Variants in EXOC3L4 observed in about 807,000 individuals in gnomAD.
EXOC3L4 encodes the protein exocyst complex component 3 like 4, also known as exocyst complex component 3-like protein 4.
EXOC3L4 carries 62 observed loss-of-function variants against 69.7 expected under a neutral mutation model. The ratio of observed to expected loss-of-function variants is 0.89; its 90% CI spans 0.72 to 1.10. The LOEUF (loss-of-function observed/expected upper bound fraction) is 1.10, where lower values mean the gene tolerates loss of function less well. Ranked by LOEUF, EXOC3L4 falls within the 50% of genes least tolerant of loss-of-function variation. The probability of loss-of-function intolerance (pLI) is 0.00; values close to 1 mark genes in which losing one functional copy is unlikely to be tolerated. For missense variants in EXOC3L4, 1,087 were observed against 1,034.8 expected (o/e 1.05, Z -0.69); for synonymous variants, 502 against 464.2 (o/e 1.08, Z -1.05).
chr14:103,105,646 T>C (rs1480638277), intron 7 of EXOC3L4, among the ~76,000 whole-genome samples: 1 of 152,032 alleles, frequency 6.6e-6, no homozygotes, highest in Admixed American at 6.5e-5. Context: ...GAAGCCTCCC[T>C]CAGCCTGCAC....
intron 7 of EXOC3L4, 118 bp downstream of exon 7, chr14:103,105,190 GTGTGTGTTTGTGTC>G: frequency 2.1e-6 from 2 of 971,324 alleles, no homozygotes; most frequent in Non-Finnish European, 3.0e-6. Context: ...AGGAGTGTGT[GTGTGTGTTTGTGTC>G]TGTGTGTTGG....
chr14:103,100,111 C>A, intron 1 of EXOC3L4, 93 bp from the exon 2 acceptor site: 5 of 1,362,690 alleles, frequency 3.7e-6, no homozygotes, highest in Non-Finnish European at 4.8e-6. Flanking sequence ...TCTGGAGAGC[C>A]TTCCTTGACC....
At chr14:103,108,364 C>T in intron 10 of EXOC3L4, 32 bp from the exon 11 acceptor site, 2 of 1,608,366 alleles carry the variant, frequency 1.2e-6, no homozygotes, top group Middle Eastern at 1.7e-4. Flanking sequence ...GGGGAGAGGG[C>T]TGTTGGGGCA....
At chr14:103,095,378 G>T (rs1020241524) in intron 1 of EXOC3L4, among the ~76,000 whole-genome samples, 16 of 152,190 alleles carry the variant, frequency 1.1e-4, no homozygotes, top group Non-Finnish European at 1.5e-4. Context: ...CCCAGGGCTG[G>T]GATCAGGCCC....
At chr14:103,098,790 C>G (rs1460196879) in intron 1 of EXOC3L4, 2 of 152,234 alleles carry the variant, frequency 1.3e-5, no homozygotes, top group Non-Finnish European at 2.9e-5. Context: ...TCCCTGAACC[C>G]TGGCGCTGGG....
rs368633703 is a variant in EXOC3L4 at position 103,110,162 on chromosome 14, G to T, written c.2108G>T (p.Arg703Leu). 33 of 1,540,176 alleles carry T rather than the reference G, an allele frequency of 2.1e-5. No individual in the cohort carries two copies. Among genetic ancestry groups the T allele is most frequent in the Non-Finnish European group, 2.8e-5 (32 of 1,141,956 alleles). ...GAAGAEAPRG[R>L]VLFEEIKVPS... ...GCGGGTGCGGAGGCCCCTCGGGGCC[G>T]CGTGCTCTTCGAGGAGATCAAGGTG... Residue 703 changes from arginine (R) to leucine (L), a missense_variant, in exon 12 of 12, where the codon CGC (arginine) becomes CTC (leucine). Arg to Leu is a moderately radical substitution (Grantham distance 102). Coordinates refer to ENST00000688303, the MANE Select transcript of EXOC3L4 (RefSeq NM_001077594.2).
chr14:103,100,472 C>T lies in EXOC3L4; in HGVS notation c.253C>T (p.Arg85Trp), dbSNP rs757069683. The T allele has an allele frequency of 3.0e-5, 49 of 1,613,254 alleles. No homozygotes were observed. In the Middle Eastern group the frequency reaches 1.2e-3, roughly 38 times the overall value. The change falls in exon 2 of 12, where the codon CGG (arginine) becomes TGG (tryptophan). Residue 85 changes from arginine (R) to tryptophan (W), a missense_variant. Arg to Trp is a moderately radical substitution (Grantham distance 101, BLOSUM62 -3). Coordinates refer to ENST00000688303, the MANE Select transcript of EXOC3L4 (RefSeq NM_001077594.2). ...CCGGCGAAGCTCCTGCTCCCTGTTC[C>T]GGTCCTTCCGGCAAGCCCTGAATGA... Reference protein sequence around the residue: ...LFRRSSCSLFRSFRQALNDGP... With the variant: ...LFRRSSCSLFWSFRQALNDGP...
Position 103,104,273 on chromosome 14 carries a change from A to G in EXOC3L4, c.1168A>G (p.Ile390Val), listed in dbSNP as rs1008592197. Residue 390 changes from isoleucine to valine, a missense_variant, in exon 5 of 12, where the codon ATC becomes GTC. Coordinates refer to ENST00000688303, the MANE Select transcript of EXOC3L4 (RefSeq NM_001077594.2). ...CCATCCCTTCTCCCCCCAGGCCAAGATCGCAAGCTGCTTCGACAGCATCTT... is the reference window on the plus strand; with the variant it reads ...CCATCCCTTCTCCCCCCAGGCCAAGGTCGCAAGCTGCTTCGACAGCATCTT... The part of the protein sequence containing the change: ...SDYTSFLEAK[I>V]ASCFDSILQL... The G allele has an allele frequency of 8.8e-6, 14 of 1,590,294 alleles. No homozygotes were observed. The highest frequency in any genetic ancestry group is 1.2e-5 in the Non-Finnish European group (14 of 1,170,260).
chr14:103,095,410 G>A (rs1474020368), intron 1 of EXOC3L4, among the ~76,000 whole-genome samples: 1 of 152,198 alleles, frequency 6.6e-6, no homozygotes, highest in African/African-American at 2.4e-5. Context: ...TGCCGAACAT[G>A]GTATGGGCTC....
At chr14:103,104,698 G>C in intron 5 of EXOC3L4, 40 bp from the exon 6 acceptor site, 1 of 1,436,746 alleles carries the variant, frequency 7.0e-7, no homozygotes, top group South Asian at 1.4e-5. Context: ...CCTCAGGTCG[G>C]GGGCTGGGAG....
chr14:103,101,673 T>C (rs963879238), intron 2 of EXOC3L4, among the ~76,000 whole-genome samples: 24 of 151,982 alleles, frequency 1.6e-4, no homozygotes, highest in African/African-American at 3.9e-4. Context: ...GAGGGGGACA[T>C]GGAGGTGGAG....
intron 1 of EXOC3L4, among the ~76,000 whole-genome samples, chr14:103,096,398 A>ATTTTTTTTT (rs1440659126): frequency 2.9e-4 from 20 of 68,524 alleles, no homozygotes; most frequent in African/African-American, 9.3e-4. Flanking sequence ...TTTTGGCAAG[A>ATTTTTTTTT]TTCTTTTTTT....
rs573560281 is a variant in EXOC3L4 at position 103,097,612 on chromosome 14, G to A, written c.-16-2592G>A. 6.6e-6 allele frequency among the ~76,000 whole-genome samples: 1 copy of A among 152,330 alleles called. No individual in the cohort carries two copies. The highest frequency in any genetic ancestry group is 2.1e-4 in the South Asian group (1 of 4,830). On this transcript the variant is annotated intron_variant, in intron 1 of 11. Transcript: ENST00000688303. This position sits in a 1 kb window ranked among gnomAD's most constrained non-coding sequence, Gnocchi z 4.9. Reference sequence around the variant, plus strand: ...TCCAGGCTGTGCTCAGGGGTGACCGGGGTAGATGGACAGAGGCTGCCAGCC... The same window carrying A: ...TCCAGGCTGTGCTCAGGGGTGACCGAGGTAGATGGACAGAGGCTGCCAGCC...
Position 103,097,226 on chromosome 14 carries a change from C to A in EXOC3L4, c.-17+2386C>A, listed in dbSNP as rs1194027978. Among the ~76,000 whole-genome samples, 1 of 152,140 alleles carries A rather than the reference C, an allele frequency of 6.6e-6. No individual in the cohort carries two copies. The highest frequency in any genetic ancestry group is 1.5e-5 in the Non-Finnish European group (1 of 68,004). On this transcript the variant is annotated intron_variant, in intron 1 of 11. Transcript: ENST00000688303. This position sits in a 1 kb window ranked among gnomAD's most constrained non-coding sequence, Gnocchi z 4.9. ...CAGTGACTGTGTCTCTGGGTGGTTTCTTGCCCCTGCTGCTGGCCCCACAAA... is the reference window on the plus strand; with the variant it reads ...CAGTGACTGTGTCTCTGGGTGGTTTATTGCCCCTGCTGCTGGCCCCACAAA...
At chr14:103,104,083 C>T in intron 4 of EXOC3L4, 31 bp downstream of exon 4, 1 of 1,518,110 alleles carries the variant, frequency 6.6e-7, no homozygotes. Context: ...CTGGGCGGGC[C>T]AGGCTGGAGG....
intron 11 of EXOC3L4, among the ~76,000 whole-genome samples, chr14:103,109,751 C>T (rs1028036280): frequency 3.4e-5 from 5 of 145,814 alleles, no homozygotes; most frequent in African/African-American, 7.6e-5. Flanking sequence ...TCTCTCCACC[C>T]GGTCCCCAGG....
chr14:103,104,405 A>C lies in EXOC3L4; in HGVS notation c.1284+16A>C. The stretch of plus-strand genomic sequence containing the variant: ...CGTCCATATGGTGCGGCCCGGGAGC[A>C]GGGGCTGAGAAGGGGCGTCTGTTCA... On this transcript the variant is annotated intron_variant, in intron 5 of 11. Coordinates refer to ENST00000688303, the MANE Select transcript of EXOC3L4 (RefSeq NM_001077594.2). The C allele has an allele frequency of 6.5e-7, 1 of 1,541,584 alleles. No individual in the cohort carries two copies. The highest frequency in any genetic ancestry group is 1.2e-5 in the South Asian group (1 of 82,360).
intron 7 of EXOC3L4, among the ~76,000 whole-genome samples, chr14:103,105,688 C>G (rs1890507316): frequency 1.3e-5 from 2 of 152,176 alleles, no homozygotes; most frequent in Non-Finnish European, 2.9e-5. Context: ...GTCTGGGTCT[C>G]TGTGTCCCCA....
At position 103,108,515 on chromosome 14, in the gene EXOC3L4, C is replaced by G. The variant is rs777968401; in HGVS notation, c.1974C>G (p.Ile658Met). Residue 658 changes from isoleucine to methionine, a missense_variant and splice_region_variant, in exon 11 of 12, where the codon ATC (isoleucine) becomes ATG (methionine). Ile to Met is a conservative substitution (Grantham distance 10). Coordinates refer to ENST00000688303, the MANE Select transcript of EXOC3L4 (RefSeq NM_001077594.2). ...LETLIRSYPD[I>M]RRDHILAILA... The stretch of plus-strand genomic sequence containing the variant: ...CTCTTATCCGGAGCTACCCCGACAT[C>G]AGGTGTGTACCCCACCTGCTTCCAC... The G allele has an allele frequency of 1.2e-6, 2 of 1,613,044 alleles. No individual in the cohort carries two copies. The highest frequency in any genetic ancestry group is 1.7e-6 in the Non-Finnish European group (2 of 1,179,340).
Sources: gnomAD v4.1 joint callset for allele counts (sites outside exome capture counted in the v4.1 genomes callset) on GRCh38, gnomAD v4.1.1 for gene constraint, Gnocchi (gnomAD v3.1) non-coding constraint, MANE v1.5 for transcripts, NCBI Gene and HGNC (gene_info 2026-07-23, HGNC 2026-07-21) for gene names.